Variants in ESRRG observed in about 807,000 individuals in gnomAD.
The protein encoded by ESRRG is estrogen-related receptor gamma.
In ESRRG, 13 loss-of-function variants were observed where a neutral mutation model predicts 44.0. The observed-to-expected ratio is 0.30, with a 90% CI of 0.19 to 0.47. ESRRG has a LOEUF of 0.47. ESRRG is among the 20% of genes least tolerant of loss of function. The pLI is 1.00. For synonymous variants in ESRRG, 215 were observed against 214.6 expected (o/e 1.00, Z -0.02); for missense variants, 395 against 580.6 (o/e 0.68, Z 3.29).
At chr1:216,707,261 T>C in intron 1 of ESRRG, 1 of 1,362,702 alleles carries the variant, frequency 7.3e-7, no homozygotes, top group South Asian at 1.3e-5. Context: ...TTAATCAGTC[T>C]AAAAAAATCA....
intron 2 of ESRRG, among the ~76,000 whole-genome samples, chr1:216,891,714 AG>A (rs2057813439): frequency 6.6e-6 from 1 of 150,782 alleles, no homozygotes; most frequent in Non-Finnish European, 1.5e-5. Flanking sequence ...GACCTTTTTT[AG>A]GGGGCAGAGG....
At chr1:216,831,327 A>G (rs906434691) in intron 2 of ESRRG, among the ~76,000 whole-genome samples, 4 of 152,178 alleles carry the variant, frequency 2.6e-5, no homozygotes, top group Non-Finnish European at 5.9e-5. Flanking sequence ...ACCACAACTA[A>G]TTGCATTATT....
intron 5 of ESRRG, among the ~76,000 whole-genome samples, chr1:216,555,671 A>G (rs72735193): frequency 0.01 from 1,559 of 152,198 alleles, 11 homozygotes; most frequent in Non-Finnish European, 0.017. Flanking sequence ...CTGCCACACA[A>G]TTTATATCTC....
intron 1 of ESRRG, among the ~76,000 whole-genome samples, chr1:216,702,161 A>G (rs931911861): frequency 6.6e-6 from 1 of 152,228 alleles, no homozygotes; most frequent in Non-Finnish European, 1.5e-5. Context: ...AATTTCTTAC[A>G]TATAGTTAGA....
rs76167645 is a variant in ESRRG, at chr1:216,609,826, G to A, written c.589+41147C>T. Among the ~76,000 whole-genome samples the A allele has an allele frequency of 2.9e-4, 44 of 152,306 alleles. No homozygotes were observed. In the East Asian group the frequency reaches 8.3e-3, roughly 29 times the overall value. On this transcript the variant is annotated intron_variant, in intron 3 of 6. Transcript: ENST00000408911. ...CTTCCTGTCAAAATCTTCATTAGGG[G>A]TTAATTCTGTCAAACAAAATCTTGG... is the stretch of plus-strand genomic sequence containing the variant.
intron 1 of ESRRG, among the ~76,000 whole-genome samples, chr1:216,678,146 T>G (rs2076425287): frequency 6.6e-6 from 1 of 152,234 alleles, no homozygotes; most frequent in African/African-American, 2.4e-5. Context: ...ATTGCTCTAT[T>G]TCATAGCCAT....
chr1:216,597,020 A>G (rs1183070554), intron 3 of ESRRG, among the ~76,000 whole-genome samples: 1 of 152,166 alleles, frequency 6.6e-6, no homozygotes, highest in East Asian at 1.9e-4. Context: ...TCCTTTTTAA[A>G]TGTTTAAAAT....
intron 2 of ESRRG, among the ~76,000 whole-genome samples, chr1:216,814,851 T>C (rs1456929098): frequency 6.6e-6 from 1 of 152,172 alleles, no homozygotes; most frequent in Admixed American, 6.5e-5. Flanking sequence ...AACGTAAAAC[T>C]TATATTTTTA....
At chr1:216,549,299 T>C (rs2055536383) in intron 5 of ESRRG, among the ~76,000 whole-genome samples, 1 of 151,992 alleles carries the variant, frequency 6.6e-6, no homozygotes, top group African/African-American at 2.4e-5. Flanking sequence ...AAGAACTTTT[T>C]ATATCAGAAC....
Position 216,788,671 on chromosome 1 carries a change from G to T in ESRRG, c.-13-111180C>A, listed in dbSNP as rs117403340. Among the ~76,000 whole-genome samples, 1,098 of 152,188 alleles carry T rather than the reference G, an allele frequency of 7.2e-3. 53 individuals carry two copies. The East Asian group carries it at 0.14, about 19-fold the overall frequency. On this transcript the variant is annotated intron_variant, in intron 2 of 7. Coordinates refer to the ESRRG transcript ENST00000359162. ...GGTCATTATTTAAGAAATACATTTTGTAGGGCTATAGCTGCCATAGACAGT... is the reference window on the plus strand; with the variant it reads ...GGTCATTATTTAAGAAATACATTTTTTAGGGCTATAGCTGCCATAGACAGT...
intron 1 of ESRRG, among the ~76,000 whole-genome samples, chr1:217,109,872 T>G (rs1463158152): frequency 6.6e-6 from 1 of 152,218 alleles, no homozygotes; most frequent in Non-Finnish European, 1.5e-5. Context: ...GCTCTGGTGT[T>G]AGTGAATTCT....
At chr1:217,131,418 G>A (rs1381617264) in intron 1 of ESRRG, among the ~76,000 whole-genome samples, 3 of 152,086 alleles carry the variant, frequency 2.0e-5, no homozygotes, top group African/African-American at 7.2e-5. Flanking sequence ...TCTAACTCAG[G>A]TGAAAGCAAA....
intron 1 of ESRRG, among the ~76,000 whole-genome samples, chr1:217,104,111 C>T (rs904200763): frequency 6.6e-6 from 1 of 152,194 alleles, no homozygotes; most frequent in African/African-American, 2.4e-5. Flanking sequence ...TCCCTCAGCA[C>T]CTATTCCTTG....
At chr1:216,712,623 T>G (rs2083871127) in intron 1 of ESRRG, among the ~76,000 whole-genome samples, 1 of 152,226 alleles carries the variant, frequency 6.6e-6, no homozygotes, top group Admixed American at 6.5e-5. Context: ...CTGAAGAAAG[T>G]GAAGACCACC....
chr1:216,831,459 T>A (rs1031618738), intron 2 of ESRRG, among the ~76,000 whole-genome samples: 7 of 139,430 alleles, frequency 5.0e-5, no homozygotes, highest in African/African-American at 1.9e-4. Context: ...AAAACAAAGG[T>A]TTTTCAGCCT....
At chr1:216,921,278 G>A (rs1252445661) in intron 2 of ESRRG, among the ~76,000 whole-genome samples, 1 of 152,078 alleles carries the variant, frequency 6.6e-6, no homozygotes, top group Non-Finnish European at 1.5e-5. Flanking sequence ...TAGTCGCATG[G>A]TGACTTTTTT....
At chr1:216,914,246 TA>T (rs2060850675) in intron 2 of ESRRG, among the ~76,000 whole-genome samples, 1 of 152,128 alleles carries the variant, frequency 6.6e-6, no homozygotes, top group Non-Finnish European at 1.5e-5. Context: ...AATAAACAAA[TA>T]TTTGTAATGT....
chr1:217,101,849 C>T (rs1222912405), intron 1 of ESRRG, among the ~76,000 whole-genome samples: 1 of 151,844 alleles, frequency 6.6e-6, no homozygotes, highest in East Asian at 1.9e-4. Context: ...TCTTGTTGCC[C>T]AGGCTGAAGG....
chr1:216,981,700 AAC>A (rs10535630), intron 1 of ESRRG, among the ~76,000 whole-genome samples: 25,015 of 151,140 alleles, frequency 0.17, 2,706 homozygotes, highest in Admixed American at 0.29. Flanking sequence ...TAAAGAGTTA[AAC>A]ACACACACAC....
Sources: allele counts gnomAD v4.1 joint callset (sites outside exome capture counted in the v4.1 genomes callset), GRCh38; gene constraint gnomAD v4.1.1; transcripts MANE v1.5; gene names NCBI Gene and HGNC (gene_info 2026-07-23, HGNC 2026-07-21).